PCSK2: variants seen among roughly 807,000 people sequenced by gnomAD.
The protein encoded by PCSK2 is neuroendocrine convertase 2.
PCSK2 carries 14 observed loss-of-function variants against 69.7 expected under a neutral mutation model. The observed-to-expected ratio is 0.20, with a 90% confidence interval of 0.13 to 0.31. The LOEUF is 0.31. Among genes scored for constraint, PCSK2 ranks in the 10% least tolerant of loss-of-function variants. PCSK2 has a pLI of 1.00. For synonymous variants in PCSK2, 307 were observed against 320.7 expected (o/e 0.96, Z 0.46); for missense variants, 544 against 842.5 (o/e 0.65, Z 4.39).
intron 2 of PCSK2, among the ~76,000 whole-genome samples, chr20:17,320,589 G>C (rs1044274101): frequency 7.9e-5 from 12 of 152,190 alleles, no homozygotes; most frequent in South Asian, 2.1e-4. Flanking sequence ...TGGGACTCAG[G>C]CTTGCTGAGC....
chr20:17,292,963 T>C (rs1338612564), intron 2 of PCSK2, among the ~76,000 whole-genome samples: 1 of 152,110 alleles, frequency 6.6e-6, no homozygotes, highest in South Asian at 2.1e-4. Flanking sequence ...TAGCTGGGAC[T>C]ACAGGCACGC....
At chr20:17,408,830 C>T (rs2031810040) in intron 5 of PCSK2, among the ~76,000 whole-genome samples, 1 of 152,208 alleles carries the variant, frequency 6.6e-6, no homozygotes, top group African/African-American at 2.4e-5. Context: ...TGGTTGTGAG[C>T]TTTCTGTGTA....
At chr20:17,366,352 T>C (rs1186468185) in intron 4 of PCSK2, among the ~76,000 whole-genome samples, 1 of 152,220 alleles carries the variant, frequency 6.6e-6, no homozygotes, top group Admixed American at 6.5e-5. Context: ...CAAGTCTTTG[T>C]CATTTCTGTG....
intron 8 of PCSK2, among the ~76,000 whole-genome samples, chr20:17,448,551 G>T (rs1474763981): frequency 2.0e-5 from 3 of 152,120 alleles, no homozygotes; most frequent in African/African-American, 7.2e-5. Context: ...GGGTTTCTCA[G>T]CCTGGGCATA....
chr20:17,479,796 C>CAAAA (rs5840770), intron 11 of PCSK2, among the ~76,000 whole-genome samples: 8 of 89,784 alleles, frequency 8.9e-5, no homozygotes, highest in South Asian at 5.2e-4. Flanking sequence ...GACTCCGTCT[C>CAAAA]AAAAAAAAAA....
intron 6 of PCSK2, among the ~76,000 whole-genome samples, chr20:17,410,883 C>T (rs917080452): frequency 2.0e-5 from 3 of 152,170 alleles, no homozygotes; most frequent in South Asian, 2.1e-4. Flanking sequence ...ACCAGCTCTC[C>T]GCATGAATAT....
chr20:17,428,406 A>ATGTGTGTG (rs3076116), intron 6 of PCSK2, among the ~76,000 whole-genome samples: 1 of 151,056 alleles, frequency 6.6e-6, no homozygotes, highest in South Asian at 2.1e-4. Context: ...GAGAAAGAAA[A>ATGTGTGTG]TGTGTGTGTG....
At chr20:17,236,443 T>C (rs1213181098) in intron 1 of PCSK2, among the ~76,000 whole-genome samples, 1 of 152,158 alleles carries the variant, frequency 6.6e-6, no homozygotes, top group Non-Finnish European at 1.5e-5. Context: ...AATTCAACTT[T>C]TGTGAGTTAT....
chr20:17,271,931 T>G (rs914312325), intron 2 of PCSK2, among the ~76,000 whole-genome samples: 106 of 152,260 alleles, frequency 7.0e-4, no homozygotes, highest in African/African-American at 2.5e-3. Flanking sequence ...AACACCTCTA[T>G]GACTAGTCCG....
At chr20:17,328,722 G>GAGGACC (rs1438310711) in intron 2 of PCSK2, among the ~76,000 whole-genome samples, 1 of 152,164 alleles carries the variant, frequency 6.6e-6, no homozygotes, top group Non-Finnish European at 1.5e-5. Context: ...CCTAGAAGAT[G>GAGGACC]AGGACCAGAG....
intron 5 of PCSK2, among the ~76,000 whole-genome samples, chr20:17,384,694 G>A (rs1211042772): frequency 1.3e-5 from 2 of 152,080 alleles, no homozygotes; most frequent in Non-Finnish European, 2.9e-5. Flanking sequence ...AGCACTTTGG[G>A]AGACTAGGGT....
At chr20:17,297,640 G>A (rs1295182563) in intron 2 of PCSK2, among the ~76,000 whole-genome samples, 3 of 152,206 alleles carry the variant, frequency 2.0e-5, no homozygotes, top group African/African-American at 7.2e-5. Flanking sequence ...TATATACTTT[G>A]ACAGGATATT....
intron 4 of PCSK2, among the ~76,000 whole-genome samples, chr20:17,367,022 AT>A (rs2030614258): frequency 2.6e-5 from 4 of 151,918 alleles, no homozygotes; most frequent in Admixed American, 2.6e-4. Flanking sequence ...TTTTACACTT[AT>A]TTAGATAAGT....
rs746428693 is a variant in PCSK2, at chr20:17,360,492, C to T, written c.397-40C>T. The T allele has an allele frequency of 4.6e-6, 6 of 1,295,236 alleles. No homozygotes were observed. In the Admixed American group the frequency reaches 1.1e-4, roughly 24 times the overall value. The allele number at this position is 1,295,236 out of a possible 1,614,324, so 80.2% of individuals were successfully genotyped here. ...TATGTACATGGGTGCTTTACAACAC[C>T]AAACTAATACCATTCTCTGCTTTGA... On this transcript the variant is annotated intron_variant, in intron 3 of 11. Coordinates refer to ENST00000262545, the MANE Select transcript of PCSK2 (RefSeq NM_002594.5).
chr20:17,446,843 G>A (rs1280268197), intron 8 of PCSK2, among the ~76,000 whole-genome samples: 2 of 152,160 alleles, frequency 1.3e-5, no homozygotes, highest in Non-Finnish European at 2.9e-5. Context: ...GTGTCTGCAA[G>A]TCTAAATCCA....
rs1305918598 is a variant in PCSK2 at position 17,307,997 on chromosome 20, G to A, written c.282+47653G>A. On this transcript the variant is annotated intron_variant, in intron 2 of 11. Transcript: ENST00000262545. Reference sequence around the variant, plus strand: ...AGAGCAGGCATCTTCCATGGCAGGAGCAGGAGCAAAAGAAAGAGTGAGGGG... The same window carrying A: ...AGAGCAGGCATCTTCCATGGCAGGAACAGGAGCAAAAGAAAGAGTGAGGGG... 3.9e-5 allele frequency among the ~76,000 whole-genome samples: 6 copies of A among 152,178 alleles called. 1 individual carries two copies. Among genetic ancestry groups the A allele is most frequent in the Admixed American group, 2.6e-4 (4 of 15,280 alleles).
intron 1 of PCSK2, among the ~76,000 whole-genome samples, chr20:17,245,721 G>T (rs572688971): frequency 6.6e-6 from 1 of 151,832 alleles, no homozygotes; most frequent in African/African-American, 2.4e-5. Context: ...CTTATGATGT[G>T]CCTTCTGTCT....
At chr20:17,282,886 T>G (rs904444712) in intron 2 of PCSK2, among the ~76,000 whole-genome samples, 7 of 152,208 alleles carry the variant, frequency 4.6e-5, no homozygotes, top group African/African-American at 1.7e-4. Flanking sequence ...TGGCAGGATT[T>G]GAAGATTATT....
At chr20:17,260,463 G>A in intron 2 of PCSK2, 119 bp downstream of exon 2, 1 of 686,422 alleles carries the variant, frequency 1.5e-6, no homozygotes, top group Non-Finnish European at 2.6e-6. Context: ...ACTATGATAG[G>A]GCAAATGAAT....
Sources: gnomAD v4.1 joint callset for allele counts (sites outside exome capture counted in the v4.1 genomes callset) on GRCh38, gnomAD v4.1.1 for gene constraint, MANE v1.5 for transcripts, NCBI Gene and HGNC (gene_info 2026-07-23, HGNC 2026-07-21) for gene names.